NPHP4: variants seen among roughly 807,000 people sequenced by gnomAD.
NPHP4 encodes nephrocystin-4.
A neutral mutation model predicts 155.8 loss-of-function variants in NPHP4; 151 were observed. The ratio of observed to expected loss-of-function variants is 0.97; its 90% CI spans 0.85 to 1.11. The LOEUF (loss-of-function observed/expected upper bound fraction) is 1.11, where lower values mean the gene tolerates loss of function less well. Among genes scored for constraint, NPHP4 ranks in the 50% least tolerant of loss-of-function variants. The probability of loss-of-function intolerance (pLI) is 0.00; values close to 1 mark genes in which losing one functional copy is unlikely to be tolerated. For missense variants in NPHP4, 1,956 were observed against 1,925.7 expected, an observed-to-expected ratio of 1.02 and a Z score of -0.29; for synonymous variants, 845 against 816.8, an observed-to-expected ratio of 1.03 and a Z score of -0.59.
chr1:5,891,385 T>C (rs1368978132), intron 16 of NPHP4, among the ~76,000 whole-genome samples: 1 of 152,234 alleles, frequency 6.6e-6, no homozygotes, highest in African/African-American at 2.4e-5. Flanking sequence ...GTAGTCTACA[T>C]CTGCTGTCAA....
intron 16 of NPHP4, among the ~76,000 whole-genome samples, chr1:5,891,983 T>G (rs75409798): frequency 3.3e-5 from 5 of 151,638 alleles, no homozygotes; most frequent in Non-Finnish European, 5.9e-5. Context: ...CCCAAGGGGG[T>G]GGAGCAAGGA....
Position 5,867,079 on chromosome 1 carries a change from A to G in NPHP4, c.3509T>C (p.Val1170Ala). Residue 1170 changes from valine (V) to alanine (A), a missense_variant, in exon 25 of 30, where the codon GTC becomes GCC. Val to Ala is a moderately conservative substitution (Grantham distance 64). Transcript: ENST00000378156. The surrounding 1 kb of genome is among the most constrained non-coding windows in gnomAD (Gnocchi z 4.1). ...GTTCGGGTCGCTGCAGCGAACATGGACTGGGGGGTCCTCACCAAGCATTCC... is the reference window on the plus strand; with the variant it reads ...GTTCGGGTCGCTGCAGCGAACATGGGCTGGGGGGTCCTCACCAAGCATTCC... ...PVGMLGEDPP[V>A]HVRCSDPNVI... is the part of the protein sequence containing the mutation. 6.2e-7 allele frequency: 1 copy of G among 1,613,148 alleles called. No homozygotes were observed. The highest frequency in any genetic ancestry group is 8.5e-7 in the Non-Finnish European group (1 of 1,179,590).
At position 5,874,468 on chromosome 1, in the gene NPHP4, C is replaced by T. The variant is rs1470740096; in HGVS notation, c.3231+3G>A. On this transcript the variant is annotated splice_donor_region_variant and intron_variant, in intron 22 of 29. Transcript: ENST00000378156. ...AACTTCCCTGTGTGCCTGACACCCG[C>T]ACCTGCACCATGGCCAGCTGCCCTG... The T allele has an allele frequency of 2.6e-6, 4 of 1,538,636 alleles. No homozygotes were observed. The highest frequency in any genetic ancestry group is 1.2e-5 in the South Asian group (1 of 82,584).
Position 5,909,180 on chromosome 1 carries a change from G to A in NPHP4, c.1475C>T (p.Ala492Val), listed in dbSNP as rs749986142. ...TGGTCCCACAGGTGAGTTCTGCGGG[G>A]CAGCGAGAACTCGAGGTACTGGCGC... Reference protein sequence around the residue: ...PPAPVPRVLAAPQNSPVGPGL... With the variant: ...PPAPVPRVLAVPQNSPVGPGL... Residue 492 changes from alanine to valine, a missense_variant, in exon 12 of 30, where the codon GCC (alanine) becomes GTC (valine). By Grantham distance (64) the Ala-to-Val change is moderately conservative. Coordinates refer to ENST00000378156, the MANE Select transcript of NPHP4 (RefSeq NM_015102.5). 4 of 1,603,566 alleles carry A rather than the reference G, an allele frequency of 2.5e-6. No homozygotes were observed. Among genetic ancestry groups the A allele is most frequent in the Admixed American group, 1.7e-5 (1 of 58,590 alleles).
intron 2 of NPHP4, among the ~76,000 whole-genome samples, chr1:5,980,964 C>A (rs1557886177): frequency 1.3e-5 from 2 of 152,126 alleles, no homozygotes; most frequent in African/African-American, 4.8e-5. Context: ...GCCCTCTGAG[C>A]CTGCCTCATC....
At chr1:5,935,218 T>C (rs1460223433) in intron 9 of NPHP4, among the ~76,000 whole-genome samples, 6 of 152,218 alleles carry the variant, frequency 3.9e-5, no homozygotes, top group African/African-American at 1.4e-4. Flanking sequence ...TTGTTTCACA[T>C]TAATCTCTTT....
In NPHP4 at chr1:5,904,747, C is replaced by T. The variant is rs1036752306; in HGVS notation, c.2013G>A (p.Gln671=). ...SWPKTVYFTF[Q]FYRFPPATTP... is the part of the protein sequence containing the mutation. ...TCGTTGCGGGTGGGAAGCGGTAGAA[C>T]TGGAAGGTGAAATACACAGTCTTTG... The change falls in exon 16 of 30, where the codon CAG becomes CAA. Residue 671 remains glutamine, a synonymous_variant. Transcript: ENST00000378156. 6.2e-7 allele frequency: 1 copy of T among 1,613,898 alleles called. No homozygotes were observed. Among genetic ancestry groups the T allele is most frequent in the African/African-American group, 1.3e-5 (1 of 74,926 alleles).
intron 3 of NPHP4, among the ~76,000 whole-genome samples, chr1:5,970,262 T>C (rs1342477424): frequency 6.6e-6 from 1 of 152,190 alleles, no homozygotes; most frequent in Non-Finnish European, 1.5e-5. Flanking sequence ...CCAGCACTTT[T>C]GGGAGGTCAA....
intron 18 of NPHP4, among the ~76,000 whole-genome samples, chr1:5,885,761 A>T (rs1030408990): frequency 6.6e-6 from 1 of 152,370 alleles, no homozygotes; most frequent in Admixed American, 6.5e-5. Context: ...CGCTGCTAGC[A>T]GAGAGACGCC....
At chr1:5,927,297 A>G (rs1475945511) in intron 11 of NPHP4, among the ~76,000 whole-genome samples, 1 of 152,226 alleles carries the variant, frequency 6.6e-6, no homozygotes, top group Admixed American at 6.5e-5. Context: ...CTACTTCAAC[A>G]GTGCAAACGC....
chr1:5,884,927 CG>C (rs1643647836), intron 18 of NPHP4, among the ~76,000 whole-genome samples: 1 of 148,372 alleles, frequency 6.7e-6, no homozygotes. Context: ...CCGTCCTACT[CG>C]ACAACCAAGA....
At chr1:5,979,340 G>A (rs985537091) in intron 2 of NPHP4, among the ~76,000 whole-genome samples, 4 of 151,734 alleles carry the variant, frequency 2.6e-5, no homozygotes, top group Non-Finnish European at 5.9e-5. Context: ...GTGGGGCGGG[G>A]CAGGGCAGGG....
intron 5 of NPHP4, among the ~76,000 whole-genome samples, chr1:5,962,795 C>T (rs998032955): frequency 2.6e-5 from 4 of 152,220 alleles, no homozygotes; most frequent in South Asian, 2.1e-4. Context: ...CACCGCAGGG[C>T]GGGCAGGCCC....
intron 23 of NPHP4, 73 bp downstream of exon 23, chr1:5,873,179 A>C: frequency 7.6e-7 from 1 of 1,318,282 alleles, no homozygotes; most frequent in Admixed American, 1.7e-5. Context: ...GAGGGGAGAG[A>C]AGGACACAAG....
At position 5,933,295 on chromosome 1, in the gene NPHP4, C is replaced by T. The variant is rs1406903545; in HGVS notation, c.1154G>A (p.Cys385Tyr). The T allele has an allele frequency of 6.2e-7, 1 of 1,613,486 alleles. No individual in the cohort carries two copies. The change falls in exon 10 of 30, where the codon TGC (cysteine) becomes TAC (tyrosine). Residue 385 changes from cysteine (C) to tyrosine (Y), a missense_variant. Coordinates refer to ENST00000378156, the MANE Select transcript of NPHP4 (RefSeq NM_015102.5). Reference protein sequence around the residue: ...ASVTSLSNLACMHMVRWAVWN... With the variant: ...ASVTSLSNLAYMHMVRWAVWN... ...AACAGCCCAGCGGACCATGTGCATG[C>T]ATGCCAGGTTGGACAGAGAGGTGAC...
chr1:5,971,387 T>C (rs889960749), intron 3 of NPHP4, among the ~76,000 whole-genome samples: 12 of 152,212 alleles, frequency 7.9e-5, no homozygotes, highest in Non-Finnish European at 1.8e-4. Flanking sequence ...GTTCAGATGG[T>C]TGTACCAGTA....
rs920043285 is a variant in NPHP4, at chr1:5,910,560, G to T, written c.1442-1347C>A. 6.6e-6 allele frequency among the ~76,000 whole-genome samples: 1 copy of T among 152,134 alleles called. No individual in the cohort carries two copies. The highest frequency in any genetic ancestry group is 2.4e-5 in the African/African-American group (1 of 41,424). ...ATTCCTATGGCACAGAGCACAGGCCGGCACTTACGGGACCTACGGACCAAG... is the reference window on the plus strand; with the variant it reads ...ATTCCTATGGCACAGAGCACAGGCCTGCACTTACGGGACCTACGGACCAAG... On this transcript the variant is annotated intron_variant, in intron 11 of 29. Transcript: ENST00000378156. This position sits in a 1 kb window ranked among gnomAD's most constrained non-coding sequence, Gnocchi z 5.4.
At chr1:5,975,207 T>C (rs1295149715) in intron 3 of NPHP4, among the ~76,000 whole-genome samples, 1 of 152,208 alleles carries the variant, frequency 6.6e-6, no homozygotes, top group Non-Finnish European at 1.5e-5. Context: ...CACACATGTT[T>C]GCACACACAG....
chr1:5,974,472 G>T (rs1653162981), intron 3 of NPHP4, among the ~76,000 whole-genome samples: 2 of 152,176 alleles, frequency 1.3e-5, no homozygotes, highest in South Asian at 2.1e-4. Flanking sequence ...AGAAAACTGA[G>T]AAACTGCACA....
Sources: allele counts gnomAD v4.1 joint callset (sites outside exome capture counted in the v4.1 genomes callset), GRCh38; gene constraint gnomAD v4.1.1; non-coding constraint Gnocchi (gnomAD v3.1); transcripts MANE v1.5; gene names NCBI Gene and HGNC (gene_info 2026-07-23, HGNC 2026-07-21).